PCBP3: variants seen among roughly 807,000 people sequenced by gnomAD.
The protein encoded by PCBP3 is poly(rC)-binding protein 3.
In PCBP3, 25 loss-of-function variants were observed where a neutral mutation model predicts 52.7. The observed-to-expected ratio is 0.47, with a 90% CI of 0.35 to 0.66. The LOEUF is 0.66. Ranked by LOEUF, PCBP3 falls within the 30% of genes least tolerant of loss-of-function variation. PCBP3 has a pLI of 0.01. For missense variants in PCBP3, 391 were observed against 490.3 expected, an observed-to-expected ratio of 0.80 and a Z score of 1.91; for synonymous variants, 162 against 183.0, an observed-to-expected ratio of 0.89 and a Z score of 0.93.
At chr21:45,790,971 T>A (rs1011898006) in intron 4 of PCBP3, among the ~76,000 whole-genome samples, 1 of 152,076 alleles carries the variant, frequency 6.6e-6, no homozygotes. Flanking sequence ...AGGTTGTTTC[T>A]GTGTAGGTCA....
intron 3 of PCBP3, chr21:45,744,437 T>C (rs1006953497): frequency 2.0e-5 from 3 of 152,148 alleles, no homozygotes; most frequent in African/African-American, 7.2e-5. Context: ...CCTCAAGTGA[T>C]CTTCCTGCCA....
At position 45,941,700 on chromosome 21, in the gene PCBP3, G is replaced by A. The variant is rs374315800; in HGVS notation, c.1110G>A (p.Thr370=). The A allele has an allele frequency of 1.6e-5, 26 of 1,605,380 alleles. No homozygotes were observed. Among genetic ancestry groups the A allele is most frequent in the South Asian group, 4.5e-5 (4 of 89,436 alleles). ...RLTSEVTGMG[T]L ...CGTCCGAGGTCACCGGGATGGGCAC[G>A]CTGTAATCCTACCCAGCACCCTTCC... Residue 370 remains threonine, a synonymous_variant, in exon 18 of 18, where the codon ACG becomes ACA. Coordinates refer to ENST00000681687, the MANE Select transcript of PCBP3 (RefSeq NM_001384156.1).
intron 6 of PCBP3, among the ~76,000 whole-genome samples, chr21:45,898,101 G>A (rs1185396884): frequency 6.6e-6 from 1 of 152,162 alleles, no homozygotes; most frequent in Non-Finnish European, 1.5e-5. Context: ...GAGACAGAGG[G>A]ACCTGCCTCT....
At chr21:45,925,853 A>G (rs997654579) in intron 13 of PCBP3, among the ~76,000 whole-genome samples, 1 of 152,246 alleles carries the variant, frequency 6.6e-6, no homozygotes, top group African/African-American at 2.4e-5. Flanking sequence ...TTTGACAGAC[A>G]TTATAGCAAA....
intron 4 of PCBP3, among the ~76,000 whole-genome samples, chr21:45,775,376 C>T (rs2090177922): frequency 6.6e-6 from 1 of 150,822 alleles, no homozygotes; most frequent in Non-Finnish European, 1.5e-5. Flanking sequence ...CCTCCTTATT[C>T]ATTTCTGATT....
At chr21:45,773,833 T>A (rs2090056640) in intron 4 of PCBP3, among the ~76,000 whole-genome samples, 2 of 152,232 alleles carry the variant, frequency 1.3e-5, no homozygotes, top group Admixed American at 1.3e-4. Context: ...GGCAATATGG[T>A]CATTTTAATG....
intron 3 of PCBP3, chr21:45,753,130 A>G (rs1216776105): frequency 1.0e-5 from 1 of 95,976 alleles, no homozygotes; most frequent in Admixed American, 9.7e-5. Context: ...CCGTCTCCAA[A>G]AAAAAAAAAA....
At chr21:45,926,665 G>T (rs1218193396) in intron 13 of PCBP3, among the ~76,000 whole-genome samples, 1 of 152,182 alleles carries the variant, frequency 6.6e-6, no homozygotes, top group Non-Finnish European at 1.5e-5. Flanking sequence ...TGCCAGGACG[G>T]TGGGTCAACC....
intron 6 of PCBP3, among the ~76,000 whole-genome samples, chr21:45,898,300 G>A (rs994914071): frequency 7.3e-5 from 5 of 68,624 alleles, no homozygotes; most frequent in Admixed American, 1.5e-4. Context: ...TCTGCACACC[G>A]TCCTCACAGT....
At chr21:45,659,164 T>C (rs188235789) in intron 1 of PCBP3, among the ~76,000 whole-genome samples, 1 of 151,972 alleles carries the variant, frequency 6.6e-6, no homozygotes, top group East Asian at 1.9e-4. Flanking sequence ...TTTTTTTCTT[T>C]CTTCCACTTG....
At chr21:45,864,288 C>G (rs962068118) in intron 5 of PCBP3, among the ~76,000 whole-genome samples, 1 of 152,094 alleles carries the variant, frequency 6.6e-6, no homozygotes. Flanking sequence ...GTCCAACATC[C>G]GAGTGAGGCG....
chr21:45,683,362 A>T (rs1039257192), intron 2 of PCBP3, among the ~76,000 whole-genome samples: 1 of 152,210 alleles, frequency 6.6e-6, no homozygotes, highest in African/African-American at 2.4e-5. Context: ...ATAATTGAGG[A>T]TAATGGTGAT....
At chr21:45,920,541 C>T (rs2074294042) in intron 13 of PCBP3, among the ~76,000 whole-genome samples, 11 of 152,182 alleles carry the variant, frequency 7.2e-5, no homozygotes, top group Admixed American at 7.2e-4. Context: ...TTAAATATGT[C>T]TATTCCTCCA....
intron 7 of PCBP3, among the ~76,000 whole-genome samples, chr21:45,899,934 G>A (rs1007069477): frequency 3.3e-5 from 5 of 152,208 alleles, no homozygotes; most frequent in Middle Eastern, 3.4e-3. Flanking sequence ...GATTTCTCAC[G>A]CCTTCTTCAG....
intron 4 of PCBP3, among the ~76,000 whole-genome samples, chr21:45,783,134 G>A (rs1338848417): frequency 6.6e-6 from 1 of 152,194 alleles, no homozygotes; most frequent in African/African-American, 2.4e-5. Context: ...CCAAAAATAT[G>A]CTAAATAAAC....
At chr21:45,883,169 T>TCC (rs2148813065) in intron 5 of PCBP3, among the ~76,000 whole-genome samples, 1 of 152,372 alleles carries the variant, frequency 6.6e-6, no homozygotes, top group East Asian at 1.9e-4. Context: ...ATTGTTCATA[T>TCC]ATGTGTTTCA....
intron 4 of PCBP3, among the ~76,000 whole-genome samples, chr21:45,766,967 CA>C: frequency 6.6e-6 from 1 of 152,250 alleles, no homozygotes; most frequent in East Asian, 1.9e-4. Context: ...TGTTCACTTT[CA>C]CACACACACT....
intron 4 of PCBP3, among the ~76,000 whole-genome samples, chr21:45,839,138 T>G (rs1360888969): frequency 6.6e-6 from 1 of 152,192 alleles, no homozygotes; most frequent in Non-Finnish European, 1.5e-5. Flanking sequence ...TTTCTTGGCT[T>G]TATATTATCA....
intron 2 of PCBP3, among the ~76,000 whole-genome samples, chr21:45,708,179 G>A (rs149485398): frequency 6.6e-6 from 1 of 152,328 alleles, no homozygotes; most frequent in African/African-American, 2.4e-5. Context: ...TGTGAAAGGA[G>A]GATGTTTGGG....
Sources: gnomAD v4.1 joint callset for allele counts (sites outside exome capture counted in the v4.1 genomes callset) on GRCh38, gnomAD v4.1.1 for gene constraint, MANE v1.5 for transcripts, NCBI Gene and HGNC (gene_info 2026-07-23, HGNC 2026-07-21) for gene names.